Variants in LCN12 observed in about 807,000 individuals in gnomAD.
LCN12 encodes lipocalin 12.
A neutral mutation model predicts 23.7 loss-of-function variants in LCN12; 15 were observed. The observed-to-expected ratio is 0.63, with a 90% CI of 0.42 to 0.97. LCN12 has a LOEUF of 0.97. Among genes scored for constraint, LCN12 ranks in the 50% least tolerant of loss-of-function variants. The pLI, the probability that LCN12 is intolerant of heterozygous loss-of-function variation, is 0.00. For synonymous variants in LCN12, 116 were observed against 111.5 expected (o/e 1.04, Z -0.25); for missense variants, 219 against 249.6 (o/e 0.88, Z 0.83).
upstream of LCN12, among the ~76,000 whole-genome samples, chr9:136,949,214 TAGTG>T (rs1044119221): frequency 1.3e-5 from 2 of 152,190 alleles, no homozygotes; most frequent in African/African-American, 4.8e-5. Flanking sequence ...GTGGGCAACA[TAGTG>T]AGACCTCATC....
chr9:136,953,719 TG>T lies in LCN12; in HGVS notation c.273del (p.Trp91CysfsTer5). 1 of 1,599,844 alleles carries T rather than the reference TG, an allele frequency of 6.3e-7. No homozygotes were observed. The highest frequency in any genetic ancestry group is 8.5e-7 in the Non-Finnish European group (1 of 1,173,356). ...AMTRGQHCDT[W>X]SYVLIPAAQP... ...CTACAGAGGCCAGCACTGTGACACA[TG>T]GTCTTATGTGCTGATACCGGCAGCC... is the stretch of plus-strand genomic sequence containing the variant. On this transcript the variant is annotated frameshift_variant, in exon 3 of 6. Transcript: ENST00000371633. LOFTEE classifies it high-confidence loss of function.
At chr9:136,952,660 G>GATGATGGC (rs1851188079) in intron 1 of LCN12, 2 of 632,730 alleles carry the variant, frequency 3.2e-6, no homozygotes, top group Admixed American at 2.9e-5. Context: ...CTCCCTCTGT[G>GATGATGGC]CGTGAGGGGA....
upstream of LCN12, chr9:136,951,226 T>A (rs13301993): frequency 0.23 from 34,712 of 152,168 alleles, 4,138 homozygotes; most frequent in Non-Finnish European, 0.24. Flanking sequence ...AAGCCTGCCA[T>A]TGCCCTCCCT....
At position 136,952,457 on chromosome 9, in the gene LCN12, C is replaced by T. The variant is rs368161505; in HGVS notation, c.114+16C>T. 298 of 1,565,934 alleles carry T rather than the reference C, an allele frequency of 1.9e-4. No homozygotes were observed. Among genetic ancestry groups the T allele is most frequent in the Non-Finnish European group, 2.4e-4 (276 of 1,138,228 alleles). The stretch of plus-strand genomic sequence containing the variant: ...AGGAAACCAGGTACAGGGGTTTTGA[C>T]GGAAGGAGAAGCAGCCGGCTGGGTC... On this transcript the variant is annotated intron_variant, in intron 1 of 5. Transcript: ENST00000371633.
At chr9:136,952,258 GTGGGTCTC>G, upstream of LCN12, 1 of 1,070,094 alleles carries the variant, frequency 9.3e-7, no homozygotes, top group Non-Finnish European at 1.4e-6. Context: ...GCATGAAGAG[GTGGGTCTC>G]TGGGTCACCT....
chr9:136,953,290 G>A (rs1050577953), intron 2 of LCN12, among the ~76,000 whole-genome samples: 11 of 152,106 alleles, frequency 7.2e-5, no homozygotes, highest in Non-Finnish European at 1.3e-4. Flanking sequence ...GGGGCTGGGC[G>A]CGCTGGCTCA....
intron 5 of LCN12, chr9:136,954,469 C>G (rs550631266): frequency 1.5e-6 from 1 of 675,774 alleles, no homozygotes; most frequent in Non-Finnish European, 2.6e-6. Flanking sequence ...GCCACCTCCT[C>G]CCACCCCGGG....
In LCN12 at chr9:136,952,310, G is replaced by A. The variant is rs777668280; in HGVS notation, c.-18G>A. On this transcript the variant is annotated 5_prime_UTR_variant, in exon 1 of 6. An upstream open reading frame in the 5' UTR gains an earlier in-frame stop. Coordinates refer to ENST00000371633, the MANE Select transcript of LCN12 (RefSeq NM_178536.4). ...CCACTTCCTTCTCTCTGTCCCTGTG[G>A]GCCCAGCAGCTGCCAGGATGAGGCT... The A allele has an allele frequency of 1.3e-6, 2 of 1,576,898 alleles. No homozygotes were observed. The highest frequency in any genetic ancestry group is 1.7e-5 in the Admixed American group (1 of 58,218).
intron 4 of LCN12, 58 bp from the exon 5 acceptor site, chr9:136,954,096 C>T: frequency 6.6e-7 from 1 of 1,515,310 alleles, no homozygotes; most frequent in Non-Finnish European, 8.9e-7. Flanking sequence ...CTCCCACCTA[C>T]CCAGCCCCCA....
intron 5 of LCN12, chr9:136,955,167 G>A (rs1851294087): frequency 1.4e-6 from 2 of 1,415,634 alleles, no homozygotes; most frequent in Non-Finnish European, 1.8e-6. Flanking sequence ...GGGCTGTTGG[G>A]AGCCGCTGTG....
In LCN12 at chr9:136,953,709, C is replaced by T. The variant is rs2131377355; in HGVS notation, c.261C>T (p.His87=). 1 of 1,594,766 alleles carries T rather than the reference C, an allele frequency of 6.3e-7. No homozygotes were observed. The highest frequency in any genetic ancestry group is 8.5e-7 in the Non-Finnish European group (1 of 1,170,510). Residue 87 remains histidine, a synonymous_variant, in exon 3 of 6, where the codon CAC becomes CAT. Transcript: ENST00000371633. ...EVWNAMTRGQ[H]CDTWSYVLIP... is the part of the protein sequence containing the mutation. ...CTGTCCCCTCCTACAGAGGCCAGCA[C>T]TGTGACACATGGTCTTATGTGCTGA...
intron 2 of LCN12, 105 bp from the exon 3 acceptor site, chr9:136,953,594 GC>G: frequency 1.3e-6 from 1 of 775,434 alleles, no homozygotes. Flanking sequence ...GGCCACTCCC[GC>G]CGTGGGTCCC....
intron 5 of LCN12, 40 bp downstream of exon 5, chr9:136,954,295 CG>C (rs1564448387): frequency 2.6e-6 from 4 of 1,547,888 alleles, no homozygotes; most frequent in Non-Finnish European, 3.5e-6. Context: ...GCAGTAGGCA[CG>C]GGGCCCGCAG....
At chr9:136,955,166 G>A in intron 5 of LCN12, 1 of 1,415,902 alleles carries the variant, frequency 7.1e-7, no homozygotes. Context: ...GGGGCTGTTG[G>A]GAGCCGCTGT....
upstream of LCN12, chr9:136,949,459 G>A (rs537926469): frequency 1.3e-5 from 2 of 152,306 alleles, no homozygotes; most frequent in African/African-American, 4.8e-5. Context: ...GGGACAGGTG[G>A]GCCAGGACTC....
chr9:136,955,943 T>G (rs1051783408), downstream of LCN12, among the ~76,000 whole-genome samples: 5 of 152,044 alleles, frequency 3.3e-5, no homozygotes, highest in African/African-American at 1.2e-4. Context: ...GAGGCCCTGG[T>G]GCAGATGCCC....
Position 136,954,789 on chromosome 9 carries a change from C to T in LCN12, c.550+534C>T, listed in dbSNP as rs148579371. 961 of 1,290,382 alleles carry T rather than the reference C, an allele frequency of 7.4e-4. 9 individuals are homozygous for T. In the African/African-American group the frequency reaches 0.013, roughly 17 times the overall value. 79.9% of individuals were successfully genotyped at this position (1,290,382 alleles called of 1,614,324 possible). A position where few individuals can be genotyped will look rare whatever the true frequency, so the allele number is the denominator to read the frequency against. ...CCCAGCCTGACCACTCAGACAGCCG[C>T]GGCCCCCAAGGCCTGACTCTTCTTG... On this transcript the variant is annotated intron_variant, in intron 5 of 5. Transcript: ENST00000371633.
At position 136,952,965 on chromosome 9, in the gene LCN12, C is replaced by T. The variant is rs763043488; in HGVS notation, c.188C>T (p.Ala63Val). The change falls in exon 2 of 6, where the codon GCT becomes GTT. Residue 63 changes from alanine to valine, a missense_variant. Coordinates refer to ENST00000371633, the MANE Select transcript of LCN12 (RefSeq NM_178536.4). Reference sequence around the variant, plus strand: ...CCGGAGCACAGGGCGCTGCTGAACGCTTTCACCGCAACTTTTGAGCTAAGT... The same window carrying T: ...CCGGAGCACAGGGCGCTGCTGAACGTTTTCACCGCAACTTTTGAGCTAAGT... Reference protein sequence around the residue: ...FRPEHRALLNAFTATFELSDD... With the variant: ...FRPEHRALLNVFTATFELSDD... The T allele has an allele frequency of 1.2e-6, 2 of 1,613,964 alleles. No homozygotes were observed. Among genetic ancestry groups the T allele is most frequent in the Non-Finnish European group, 1.7e-6 (2 of 1,180,002 alleles).
intron 5 of LCN12, chr9:136,954,882 C>G: frequency 8.1e-7 from 1 of 1,233,774 alleles, no homozygotes; most frequent in Non-Finnish European, 1.0e-6. Flanking sequence ...CTTCTGATTC[C>G]CGCCTCTGGT....
Sources: gnomAD v4.1 joint callset for allele counts (sites outside exome capture counted in the v4.1 genomes callset) on GRCh38, gnomAD v4.1.1 for gene constraint, MANE v1.5 for transcripts, NCBI Gene and HGNC (gene_info 2026-07-23, HGNC 2026-07-21) for gene names.